WDR59: variants seen among roughly 807,000 people sequenced by gnomAD.
WDR59 encodes the protein GATOR2 complex protein WDR59.
Under a neutral mutation model 131.2 loss-of-function variants are expected in WDR59, and 100 were observed. The observed-to-expected ratio is 0.76, with a 90% CI of 0.65 to 0.90. WDR59 has a LOEUF of 0.90. WDR59 is among the 40% of genes least tolerant of loss of function. The probability of loss-of-function intolerance (pLI) is 0.00; values close to 1 mark genes in which losing one functional copy is unlikely to be tolerated. For missense variants in WDR59, 1,203 were observed against 1,262.2 expected (o/e 0.95, Z 0.71); for synonymous variants, 601 against 466.2 (o/e 1.29, Z -3.72).
intron 4 of WDR59, among the ~76,000 whole-genome samples, chr16:74,950,233 T>C (rs557842079): frequency 6.7e-4 from 102 of 152,170 alleles, no homozygotes; most frequent in Non-Finnish European, 1.2e-3. Flanking sequence ...TCCCAGCTAC[T>C]TGAGAATCAT....
At chr16:74,927,953 G>A (rs1196128808) in intron 8 of WDR59, among the ~76,000 whole-genome samples, 1 of 144,496 alleles carries the variant, frequency 6.9e-6, no homozygotes, top group Non-Finnish European at 1.5e-5. Flanking sequence ...CTGTTGCCAG[G>A]CTGGAGTGCA....
At chr16:74,941,460 G>A (rs1399504812) in intron 7 of WDR59, among the ~76,000 whole-genome samples, 2 of 152,136 alleles carry the variant, frequency 1.3e-5, no homozygotes, top group Non-Finnish European at 2.9e-5. Context: ...TTGGGAGGCC[G>A]AGGTGGGCAG....
chr16:74,911,842 G>A (rs933395608), intron 14 of WDR59, among the ~76,000 whole-genome samples: 4 of 152,140 alleles, frequency 2.6e-5, no homozygotes, highest in Middle Eastern at 3.2e-3. Flanking sequence ...TCTCCTAACC[G>A]GAGATGAATG....
chr16:74,960,516 G>C (rs1429829637), intron 2 of WDR59, among the ~76,000 whole-genome samples: 1 of 151,800 alleles, frequency 6.6e-6, no homozygotes, highest in Non-Finnish European at 1.5e-5. Context: ...AGGCTGAGGT[G>C]GGTGGATCAC....
At chr16:74,927,726 G>A (rs966757421) in intron 8 of WDR59, among the ~76,000 whole-genome samples, 1 of 138,710 alleles carries the variant, frequency 7.2e-6, no homozygotes, top group East Asian at 2.1e-4. Flanking sequence ...ACAAAACTCA[G>A]CTTTCTCATT....
chr16:74,964,982 T>C (rs2033710541), intron 2 of WDR59, among the ~76,000 whole-genome samples: 1 of 151,860 alleles, frequency 6.6e-6, no homozygotes, highest in Non-Finnish European at 1.5e-5. Context: ...GAGAATCACT[T>C]GAACACAGGA....
chr16:74,878,434 A>T (rs1019928388), intron 25 of WDR59, among the ~76,000 whole-genome samples: 2 of 152,176 alleles, frequency 1.3e-5, no homozygotes, highest in African/African-American at 4.8e-5. Flanking sequence ...TGGGTGGATC[A>T]CCTGAGGCCA....
intron 7 of WDR59, 56 bp from the exon 8 acceptor site, chr16:74,938,322 A>C (rs117038821): frequency 0.013 from 16,682 of 1,264,700 alleles, 156 homozygotes; most frequent in Middle Eastern, 0.02. Context: ...TTGAGTGTCT[A>C]TCACGTAAAA....
intron 18 of WDR59, among the ~76,000 whole-genome samples, chr16:74,899,979 C>T (rs554537604): frequency 1.8e-4 from 28 of 152,242 alleles, no homozygotes; most frequent in African/African-American, 6.7e-4. Context: ...CCAAACACAG[C>T]TTCAATTTCA....
chr16:74,895,900 G>C (rs1371810705), intron 18 of WDR59, among the ~76,000 whole-genome samples: 1 of 152,092 alleles, frequency 6.6e-6, no homozygotes, highest in Non-Finnish European at 1.5e-5. Context: ...GGGTCATTTA[G>C]CCTATGTCTA....
rs749038307 is a variant in WDR59, at chr16:74,916,218, A to G, written c.1008T>C (p.Ile336=). 15 of 1,614,014 alleles carry G rather than the reference A, an allele frequency of 9.3e-6. No individual in the cohort carries two copies. Among genetic ancestry groups the G allele is most frequent in the East Asian group, 2.2e-5 (1 of 44,896 alleles). The change falls in exon 12 of 26, where the codon ATT becomes ATC. Residue 336 remains isoleucine, a synonymous_variant. Coordinates refer to ENST00000262144, the MANE Select transcript of WDR59 (RefSeq NM_030581.4). The part of the protein sequence containing the change: ...NDILDGVDEF[I]ESISLLPEPE... ...GTTCCGGCAGAAGGGAAATACTCTC[A>G]ATGAACTCATCAACACCATCTAATA...
intron 18 of WDR59, among the ~76,000 whole-genome samples, chr16:74,898,963 T>C (rs1421076400): frequency 6.6e-6 from 1 of 152,192 alleles, no homozygotes; most frequent in Non-Finnish European, 1.5e-5. Context: ...GACAAGGCTA[T>C]AGGATGATTC....
At chr16:74,943,855 A>G (rs2032412044) in intron 6 of WDR59, among the ~76,000 whole-genome samples, 1 of 152,220 alleles carries the variant, frequency 6.6e-6, no homozygotes, top group African/African-American at 2.4e-5. Context: ...GTCCTGTCCA[A>G]GGATATGCTG....
chr16:74,981,633 TATATATA>T (rs2034414803), intron 1 of WDR59, among the ~76,000 whole-genome samples: 1 of 17,566 alleles, frequency 5.7e-5, no homozygotes, highest in African/African-American at 2.0e-4. Flanking sequence ...TATATATATA[TATATATA>T]TATATATATA....
At chr16:74,907,075 G>C (rs1282050294) in intron 17 of WDR59, among the ~76,000 whole-genome samples, 2 of 152,072 alleles carry the variant, frequency 1.3e-5, no homozygotes, top group Non-Finnish European at 2.9e-5. Flanking sequence ...CTCCAATAAG[G>C]AATCGGGTGT....
At chr16:74,953,386 T>C (rs1326068952) in intron 3 of WDR59, among the ~76,000 whole-genome samples, 1 of 151,288 alleles carries the variant, frequency 6.6e-6, no homozygotes, top group Non-Finnish European at 1.5e-5. Flanking sequence ...GGCACGAGAA[T>C]TCCTTGAACC....
intron 8 of WDR59, among the ~76,000 whole-genome samples, chr16:74,931,320 T>A (rs1391457015): frequency 6.6e-6 from 1 of 152,162 alleles, no homozygotes; most frequent in Non-Finnish European, 1.5e-5. Flanking sequence ...TTTAAAAAAA[T>A]GTTTGCTCTT....
intron 18 of WDR59, among the ~76,000 whole-genome samples, chr16:74,902,272 C>T (rs988261004): frequency 2.0e-5 from 3 of 152,124 alleles, no homozygotes; most frequent in African/African-American, 7.2e-5. Flanking sequence ...ATGTCTATTA[C>T]GGGGCTCGAA....
At chr16:74,955,234 GGACATCT>G (rs1211459044) in intron 3 of WDR59, among the ~76,000 whole-genome samples, 3 of 152,168 alleles carry the variant, frequency 2.0e-5, no homozygotes, top group Non-Finnish European at 4.4e-5. Context: ...GCTTCCCAGA[GGACATCT>G]GACAGTGGCT....
Sources: allele counts gnomAD v4.1 joint callset (sites outside exome capture counted in the v4.1 genomes callset), GRCh38; gene constraint gnomAD v4.1.1; transcripts MANE v1.5; gene names NCBI Gene and HGNC (gene_info 2026-07-23, HGNC 2026-07-21).